The following THSD4 variants were observed in gnomAD, a reference collection of about 807,000 sequenced individuals.
THSD4 encodes the protein thrombospondin type-1 domain-containing protein 4.
In THSD4, 69 loss-of-function variants were observed where a neutral mutation model predicts 119.0. The observed-to-expected ratio is 0.58, with a 90% confidence interval of 0.48 to 0.71. THSD4 has a LOEUF of 0.71. Among genes scored for constraint, THSD4 ranks in the 30% least tolerant of loss-of-function variants. The pLI is 0.00. For synonymous variants in THSD4, 524 were observed against 540.4 expected (o/e 0.97, Z 0.42); for missense variants, 1,393 against 1,391.1 (o/e 1.00, Z -0.02).
chr15:71,733,996 A>G (rs1381303673), intron 10 of THSD4: 1 of 147,716 alleles, frequency 6.8e-6, no homozygotes, highest in Admixed American at 6.8e-5. Flanking sequence ...TATTGCTGAA[A>G]TGGGGTCTCG....
intron 6 of THSD4, among the ~76,000 whole-genome samples, chr15:71,370,445 T>C (rs1317608644): frequency 1.3e-5 from 2 of 152,244 alleles, no homozygotes; most frequent in Non-Finnish European, 2.9e-5. Context: ...CTCTACATAC[T>C]GCTTTAAATG....
At chr15:71,513,768 T>G (rs2048315530) in intron 7 of THSD4, among the ~76,000 whole-genome samples, 2 of 152,310 alleles carry the variant, frequency 1.3e-5, no homozygotes, top group African/African-American at 4.8e-5. Flanking sequence ...AGCTCAAAAC[T>G]GGAAACAACG....
At chr15:71,298,608 C>CTTTTT (rs60709646) in intron 6 of THSD4, among the ~76,000 whole-genome samples, 2 of 90,270 alleles carry the variant, frequency 2.2e-5, no homozygotes, top group Non-Finnish European at 4.2e-5. Flanking sequence ...TATGTGCTGA[C>CTTTTT]TTTTTTTTTT....
At chr15:71,618,983 C>CTT (rs11439640) in intron 7 of THSD4, among the ~76,000 whole-genome samples, 1 of 144,708 alleles carries the variant, frequency 6.9e-6, no homozygotes, top group African/African-American at 2.5e-5. Flanking sequence ...TTTTTTTTTT[C>CTT]TTTTTTTTTG....
intron 7 of THSD4, among the ~76,000 whole-genome samples, chr15:71,427,666 C>T (rs2046890930): frequency 6.7e-6 from 1 of 150,200 alleles, no homozygotes; most frequent in African/African-American, 2.5e-5. Flanking sequence ...GCACCCTGCT[C>T]TCTGCCCTGA....
At chr15:71,542,138 G>A (rs965766454) in intron 7 of THSD4, among the ~76,000 whole-genome samples, 9 of 152,212 alleles carry the variant, frequency 5.9e-5, no homozygotes, top group Non-Finnish European at 1.2e-4. Flanking sequence ...CAGAAGGCAT[G>A]AGAGAAACAG....
At chr15:71,532,900 A>G (rs2048637012) in intron 7 of THSD4, among the ~76,000 whole-genome samples, 1 of 152,228 alleles carries the variant, frequency 6.6e-6, no homozygotes, top group Admixed American at 6.5e-5. Flanking sequence ...TCCCACTGGT[A>G]ATATTTTTTC....
At chr15:71,773,200 C>CAAAAAAAAAAAAAAAA (rs5813665) in intron 17 of THSD4, among the ~76,000 whole-genome samples, 2 of 54,058 alleles carry the variant, frequency 3.7e-5, no homozygotes, top group African/African-American at 1.4e-4. Context: ...GACCATGTCT[C>CAAAAAAAAAAAAAAAA]AAAAAAAAAA....
At position 71,411,760 on chromosome 15, in the gene THSD4, A is replaced by C. The variant is rs200570005; in HGVS notation, c.1089A>C (p.Lys363Asn). Residue 363 changes from lysine to asparagine, a missense_variant, in exon 7 of 18, where the codon AAA becomes AAC. Physicochemically the swap from Lys to Asn is moderately conservative, Grantham distance 94. Transcript: ENST00000261862. ...GCTTCTATGTACGGCAAGCTGAGAA[A>C]GTCATCGATGGCACCCCCTGTGACC... ...GYRFYVRQAE[K>N]VIDGTPCDQN... 9.9e-5 allele frequency: 160 copies of C among 1,614,184 alleles called. 1 individual carries two copies. In the African/African-American group the frequency reaches 2.1e-3, roughly 21 times the overall value.
intron 8 of THSD4, among the ~76,000 whole-genome samples, chr15:71,695,762 C>A (rs2052153578): frequency 6.6e-6 from 1 of 152,150 alleles, no homozygotes; most frequent in Non-Finnish European, 1.5e-5. Context: ...CCTTCAGAAT[C>A]AGATTCAAAT....
intron 6 of THSD4, among the ~76,000 whole-genome samples, chr15:71,294,542 A>C (rs1333823105): frequency 6.6e-6 from 1 of 152,048 alleles, no homozygotes; most frequent in East Asian, 1.9e-4. Flanking sequence ...CTTGGCCTGA[A>C]TGTTCCCCAT....
intron 7 of THSD4, among the ~76,000 whole-genome samples, chr15:71,470,399 C>T (rs901162807): frequency 6.6e-6 from 1 of 152,140 alleles, no homozygotes; most frequent in Non-Finnish European, 1.5e-5. Context: ...ATATAAAGGT[C>T]TTTTAAAACC....
intron 7 of THSD4, among the ~76,000 whole-genome samples, chr15:71,447,189 C>T (rs947805874): frequency 1.3e-4 from 18 of 139,604 alleles, no homozygotes; most frequent in African/African-American, 4.6e-4. Context: ...GATGCGATCA[C>T]GGCTCACTGC....
intron 7 of THSD4, among the ~76,000 whole-genome samples, chr15:71,616,678 T>C (rs553801039): frequency 1.3e-5 from 2 of 152,202 alleles, no homozygotes; most frequent in East Asian, 3.9e-4. Flanking sequence ...TCCTAGAAAA[T>C]AGAATTGCAC....
chr15:71,647,325 A>G (rs2050989462), intron 7 of THSD4, among the ~76,000 whole-genome samples: 1 of 152,208 alleles, frequency 6.6e-6, no homozygotes, highest in Non-Finnish European at 1.5e-5. Context: ...AGAATCATTC[A>G]TCTGGCAGCC....
chr15:71,781,887 G>A lies in THSD4; in HGVS notation c.*4513G>A, dbSNP rs2054003442. ...AGAAGAGCTTTAGGTGATTTGTTTG[G>A]TGGGGGAAGGCAAGTACACAGCTAT... On this transcript the variant is annotated 3_prime_UTR_variant, in exon 18 of 18. Transcript: ENST00000261862. 1.3e-5 allele frequency: 2 copies of A among 152,378 alleles called. No individual in the cohort carries two copies. Among genetic ancestry groups the A allele is most frequent in the South Asian group, 4.1e-4 (2 of 4,828 alleles). The allele number at this position is 152,378 out of a possible 1,614,324, so 9.4% of individuals were successfully genotyped here. A position where few individuals can be genotyped will look rare whatever the true frequency, so the allele number is the denominator to read the frequency against.
At chr15:71,712,157 C>A (rs1010796954) in intron 8 of THSD4, among the ~76,000 whole-genome samples, 19 of 152,212 alleles carry the variant, frequency 1.2e-4, no homozygotes, top group African/African-American at 3.9e-4. Flanking sequence ...ATATAAACAT[C>A]GCTTTTCTCA....
chr15:71,654,148 T>C (rs2051144212), intron 7 of THSD4, among the ~76,000 whole-genome samples: 1 of 152,180 alleles, frequency 6.6e-6, no homozygotes, highest in African/African-American at 2.4e-5. Flanking sequence ...TTCTAATAAA[T>C]CTTTATTTAT....
intron 8 of THSD4, among the ~76,000 whole-genome samples, chr15:71,681,693 G>T: frequency 7.4e-6 from 1 of 136,024 alleles, no homozygotes. Context: ...AAAAAAAAAA[G>T]TTTTACATGG....
Sources: allele counts gnomAD v4.1 joint callset (sites outside exome capture counted in the v4.1 genomes callset), GRCh38; gene constraint gnomAD v4.1.1; transcripts MANE v1.5; gene names NCBI Gene and HGNC (gene_info 2026-07-23, HGNC 2026-07-21).